GYPB: variants seen among roughly 807,000 people sequenced by gnomAD.
GYPB encodes the protein glycophorin-B.
A neutral mutation model predicts 15.3 loss-of-function variants in GYPB; 13 were observed. The ratio of observed to expected loss-of-function variants is 0.85; its 90% CI spans 0.55 to 1.35. The LOEUF is 1.35. Among genes scored for constraint, GYPB ranks in the 40% most tolerant of loss-of-function variants. GYPB has a pLI of 0.00. For synonymous variants in GYPB, 38 were observed against 36.9 expected, an observed-to-expected ratio of 1.03 and a Z score of -0.11; for missense variants, 131 against 108.3, an observed-to-expected ratio of 1.21 and a Z score of -0.93.
At position 144,011,274 on chromosome 4, in the gene GYPB, G is replaced by A. The variant is rs1340761567; in HGVS notation, c.37+7977C>T. On this transcript the variant is annotated intron_variant, in intron 1 of 4. Transcript: ENST00000502664. Reference sequence around the variant, plus strand: ...GTGCGCCTGTATTGTCAGCTACTTGGGAGGCTGAGGCAGGAGAATTGCTTG... The same window carrying A: ...GTGCGCCTGTATTGTCAGCTACTTGAGAGGCTGAGGCAGGAGAATTGCTTG... 1.8e-4 allele frequency among the ~76,000 whole-genome samples: 28 copies of A among 151,432 alleles called. 1 individual carries two copies. Among genetic ancestry groups the A allele is most frequent in the African/African-American group, 6.4e-4 (26 of 40,722 alleles).
chr4:144,015,652 G>A (rs1477318008), intron 1 of GYPB, among the ~76,000 whole-genome samples: 1 of 151,342 alleles, frequency 6.6e-6, no homozygotes, highest in Non-Finnish European at 1.5e-5. Flanking sequence ...GTAAGTTTGA[G>A]ATACCATCCC....
At chr4:143,996,721 G>A (rs1043151312) in intron 4 of GYPB, among the ~76,000 whole-genome samples, 7 of 150,710 alleles carry the variant, frequency 4.6e-5, no homozygotes, top group African/African-American at 1.7e-4. Flanking sequence ...AGTGAGCAGA[G>A]ATTGCGCCAC....
intron 1 of GYPB, among the ~76,000 whole-genome samples, chr4:144,003,079 G>A (rs1727709399): frequency 1.3e-5 from 2 of 151,446 alleles, no homozygotes; most frequent in Admixed American, 6.6e-5. Context: ...GGATTTTGAA[G>A]TTTAACAAAT....
intron 3 of GYPB, chr4:143,999,109 T>C (rs370658447): frequency 3.9e-5 from 10 of 258,436 alleles, no homozygotes; most frequent in Admixed American, 5.9e-5. Context: ...GATTTTGCCA[T>C]ATTGCCCAGG....
In GYPB at chr4:144,010,122, A is replaced by G. The variant is rs537826426; in HGVS notation, c.38-8839T>C. ...TGCAGTCAGGATGGCGCATTCCTCT[A>G]CTAATGGGCTATGAAATCAGTCCAG... On this transcript the variant is annotated intron_variant, in intron 1 of 4. Coordinates refer to ENST00000502664, the MANE Select transcript of GYPB (RefSeq NM_002100.6). 8.6e-5 allele frequency among the ~76,000 whole-genome samples: 13 copies of G among 151,164 alleles called. 1 individual carries two copies. Among genetic ancestry groups the G allele is most frequent in the African/African-American group, 1.7e-4 (7 of 40,528 alleles).
chr4:144,005,095 T>A (rs1727834240), intron 1 of GYPB, among the ~76,000 whole-genome samples: 3 of 151,968 alleles, frequency 2.0e-5, no homozygotes, highest in Non-Finnish European at 4.4e-5. Flanking sequence ...CATTCCTAGA[T>A]TAAAGGTCAG....
intron 1 of GYPB, among the ~76,000 whole-genome samples, chr4:144,018,963 C>T (rs4113795): frequency 1.3e-5 from 2 of 151,352 alleles, no homozygotes; most frequent in Non-Finnish European, 2.9e-5. Flanking sequence ...TCACAGAGAG[C>T]TATTTCTCAT....
intron 1 of GYPB, chr4:144,002,722 A>G: frequency 7.8e-7 from 1 of 1,283,002 alleles, no homozygotes; most frequent in Non-Finnish European, 1.0e-6. Context: ...AACAGAAAAC[A>G]TCTTCTCTGA....
chr4:144,019,222 C>G (rs187152067), intron 1 of GYPB, 29 bp downstream of exon 1: 2 of 1,610,052 alleles, frequency 1.2e-6, no homozygotes, highest in South Asian at 2.2e-5. Flanking sequence ...CCCAATATAA[C>G]AGAACCAAGA....
At chr4:143,996,912 T>G (rs916134395) in intron 4 of GYPB, among the ~76,000 whole-genome samples, 1 of 151,100 alleles carries the variant, frequency 6.6e-6, no homozygotes, top group Non-Finnish European at 1.5e-5. Context: ...ATTTATTTAT[T>G]TATATATTTA....
intron 1 of GYPB, among the ~76,000 whole-genome samples, chr4:144,004,921 A>AG (rs1180541468): frequency 6.6e-6 from 1 of 151,724 alleles, no homozygotes; most frequent in Non-Finnish European, 1.5e-5. Context: ...TAAACTGGGT[A>AG]GAAAGCATTT....
chr4:144,013,779 G>C (rs1728345161), intron 1 of GYPB, among the ~76,000 whole-genome samples: 1 of 150,628 alleles, frequency 6.6e-6, no homozygotes, highest in Admixed American at 6.6e-5. Context: ...TGGGGTTGGG[G>C]GGGAGGGGGA....
chr4:144,007,000 G>A (rs1351538628), intron 1 of GYPB, among the ~76,000 whole-genome samples: 2 of 150,316 alleles, frequency 1.3e-5, no homozygotes, highest in Admixed American at 6.6e-5. Context: ...TATTTTAAGG[G>A]AACGATTTTG....
chr4:144,002,456 A>T, intron 1 of GYPB: 2 of 445,566 alleles, frequency 4.5e-6, no homozygotes, highest in Middle Eastern at 7.2e-4. Flanking sequence ...CATTGTATGA[A>T]TGTTCTGTGG....
chr4:144,005,440 C>T (rs1194931718), intron 1 of GYPB, among the ~76,000 whole-genome samples: 6 of 151,952 alleles, frequency 3.9e-5, no homozygotes, highest in African/African-American at 1.5e-4. Context: ...ATCCTAAAAG[C>T]TAGAATTTTA....
Position 143,997,757 on chromosome 4 carries a change from T to A in GYPB, c.176-123A>T, listed in dbSNP as rs113026828. 7.6e-4 allele frequency: 489 copies of A among 644,778 alleles called. 23 individuals carry two copies. The African/African-American group carries it at 8.1e-3, about 11-fold the overall frequency. 39.9% of individuals were successfully genotyped at this position (644,778 alleles called of 1,614,324 possible). ...TTAATACAAAGTACAGTTAACATAC[T>A]ATTATGTGTATTTTGTCTTTTTTTA... On this transcript the variant is annotated intron_variant, in intron 3 of 4. Transcript: ENST00000502664.
rs1418243998 is a variant in GYPB at position 144,005,055 on chromosome 4, C to A, written c.38-3772G>T. Among the ~76,000 whole-genome samples the A allele has an allele frequency of 1.1e-4, 17 of 151,940 alleles. 2 individuals carry two copies. Among genetic ancestry groups the A allele is most frequent in the African/African-American group, 3.9e-4 (16 of 41,136 alleles). On this transcript the variant is annotated intron_variant, in intron 1 of 4. Coordinates refer to ENST00000502664, the MANE Select transcript of GYPB (RefSeq NM_002100.6). ...CTTTGGAGCTCTCAGCTTTCTGTAG[C>A]TAAATTAGCTTTCAAAAATCTACTT...
At chr4:143,996,545 A>T (rs1184202153) in intron 4 of GYPB, among the ~76,000 whole-genome samples, 1 of 151,046 alleles carries the variant, frequency 6.6e-6, no homozygotes, top group Non-Finnish European at 1.5e-5. Flanking sequence ...CAGGTGGATC[A>T]CTTGAGGTCA....
At chr4:144,004,368 T>C (rs1322998434) in intron 1 of GYPB, among the ~76,000 whole-genome samples, 1 of 151,976 alleles carries the variant, frequency 6.6e-6, no homozygotes, top group Non-Finnish European at 1.5e-5. Context: ...TAGGAATTAA[T>C]ACCCATGCTT....
Sources: allele counts gnomAD v4.1 joint callset (sites outside exome capture counted in the v4.1 genomes callset), GRCh38; gene constraint gnomAD v4.1.1; transcripts MANE v1.5; gene names NCBI Gene and HGNC (gene_info 2026-07-23, HGNC 2026-07-21).